The following SUN1 variants were observed in gnomAD, a reference collection of about 807,000 sequenced individuals.
The protein encoded by SUN1 is SUN domain-containing protein 1.
SUN1 carries 61 observed loss-of-function variants against 103.2 expected under a neutral mutation model. That is an observed-to-expected ratio of 0.59 (90% CI 0.48 to 0.73). The LOEUF is 0.73. Ranked by LOEUF, SUN1 falls within the 30% of genes least tolerant of loss-of-function variation. The pLI, the probability that SUN1 is intolerant of heterozygous loss-of-function variation, is 0.00. For synonymous variants in SUN1, 490 were observed against 425.7 expected, an observed-to-expected ratio of 1.15 and a Z score of -1.86; for missense variants, 1,052 against 1,034.6, an observed-to-expected ratio of 1.02 and a Z score of -0.23.
chr7:817,201 C>T (rs921705571), intron 1 of SUN1: 32 of 564,304 alleles, frequency 5.7e-5, no homozygotes, highest in Admixed American at 2.1e-4. Context: ...CGCGAGCTAT[C>T]CTCCCGCCTC....
At chr7:816,709 G>T in intron 1 of SUN1, 1 of 150,996 alleles carries the variant, frequency 6.6e-6, no homozygotes, top group South Asian at 1.9e-4. Context: ...GGGCACCCCG[G>T]GGCGGGCGCC....
intron 1 of SUN1, among the ~76,000 whole-genome samples, chr7:822,412 G>A (rs1266573062): frequency 6.6e-6 from 1 of 152,182 alleles, no homozygotes; most frequent in Non-Finnish European, 1.5e-5. Context: ...TTAAACTGTA[G>A]GTCTCAGACA....
upstream of SUN1, chr7:815,986 A>T (rs1203176134): frequency 5.0e-6 from 1 of 199,242 alleles, no homozygotes; most frequent in Non-Finnish European, 1.1e-5. Context: ...CCCTCCCCCA[A>T]GACGCGGACG....
At position 857,935 on chromosome 7, in the gene SUN1, C is replaced by T. The variant is rs1395685595; in HGVS notation, c.1502C>T (p.Thr501Ile). Residue 501 changes from threonine (T) to isoleucine (I), a missense_variant, in exon 13 of 19, where the codon ACA becomes ATA. Physicochemically the swap from Thr to Ile is moderately conservative, Grantham distance 89 (BLOSUM62 -1). Around this residue, in one of 2 missense-constraint regions of SUN1, gnomAD observed 846 missense variants for 774.5 expected, o/e 1.09. Transcript: ENST00000401592. ...SWRHVKTGCE[T>I]VDAVQERVDV... ...CGACACGTGAAGACCGGCTGTGAGA[C>T]AGTGGATGCCGTACAAGAAAGAGTG... 4 of 1,591,472 alleles carry T rather than the reference C, an allele frequency of 2.5e-6. No individual in the cohort carries two copies. The East Asian group carries it at 6.8e-5, about 27-fold the overall frequency.
chr7:867,958 A>G (rs1838361608), intron 16 of SUN1, among the ~76,000 whole-genome samples: 1 of 152,220 alleles, frequency 6.6e-6, no homozygotes, highest in African/African-American at 2.4e-5. Flanking sequence ...AGGGAACCTC[A>G]GTGTCCACCC....
At chr7:815,560 G>A (rs1222187628), upstream of SUN1, among the ~76,000 whole-genome samples, 2 of 152,058 alleles carry the variant, frequency 1.3e-5, no homozygotes, top group East Asian at 3.9e-4. Context: ...CTGGACAACG[G>A]GAGGGAGACC....
At chr7:852,210 T>C (rs754393479) in intron 7 of SUN1, 167 bp downstream of exon 7, 90 of 670,386 alleles carry the variant, frequency 1.3e-4, no homozygotes, top group Non-Finnish European at 2.2e-4. Flanking sequence ...AACCAACCTG[T>C]GAGATAAGAA....
rs768840574 is a variant in SUN1, at chr7:842,164, A to G, written c.451+34A>G. On this transcript the variant is annotated intron_variant, in intron 3 of 18. Coordinates refer to ENST00000401592, the MANE Select transcript of SUN1 (RefSeq NM_001130965.3). ...CTGCGAGACACAGATTGTCCCGCCT[A>G]CAGTTGGGGTGTTTCTCAGATTATG... is the stretch of plus-strand genomic sequence containing the variant. The G allele has an allele frequency of 4.4e-6, 7 of 1,598,620 alleles. No individual in the cohort carries two copies. In the African/African-American group the frequency reaches 5.4e-5, roughly 12 times the overall value.
chr7:865,917 C>G (rs918836736), intron 15 of SUN1, 35 bp from the exon 16 acceptor site: 5 of 1,579,488 alleles, frequency 3.2e-6, no homozygotes, highest in African/African-American at 1.3e-5. Flanking sequence ...AATGGTGGAA[C>G]TGGACACTGA....
intron 2 of SUN1, 34 bp from the exon 3 acceptor site, chr7:841,912 G>T: frequency 5.0e-6 from 8 of 1,605,510 alleles, no homozygotes; most frequent in Middle Eastern, 1.7e-4. Flanking sequence ...TGCTAGAAAA[G>T]ATCTATAAAC....
chr7:834,950 C>T (rs1201459061), intron 1 of SUN1, among the ~76,000 whole-genome samples: 1 of 152,140 alleles, frequency 6.6e-6, no homozygotes, highest in African/African-American at 2.4e-5. Context: ...GTGGTAGGCT[C>T]CTGTAATCCC....
intron 2 of SUN1, among the ~76,000 whole-genome samples, chr7:840,666 G>A (rs1412510702): frequency 1.4e-5 from 2 of 141,878 alleles, no homozygotes; most frequent in Non-Finnish European, 3.0e-5. Flanking sequence ...TTTTGAAACG[G>A]AGTCTCACTC....
At position 868,357 on chromosome 7, in the gene SUN1, C is replaced by T. The variant is rs902076805; in HGVS notation, c.1981-992C>T. ...TGGAGGTGGGGGTGCGATCGCAGGCCAGAGGCAGATGTGTGCGCAGCAGGC... is the reference window on the plus strand; with the variant it reads ...TGGAGGTGGGGGTGCGATCGCAGGCTAGAGGCAGATGTGTGCGCAGCAGGC... On this transcript the variant is annotated intron_variant, in intron 16 of 18. Transcript: ENST00000401592. The T allele has an allele frequency of 1.4e-5, 3 of 221,954 alleles. No individual in the cohort carries two copies. In the Admixed American group the frequency reaches 1.7e-4, roughly 13 times the overall value. The allele number at this position is 221,954 out of a possible 1,614,324, so 13.7% of individuals were successfully genotyped here.
rs1475139727 is a variant in SUN1 at position 823,082 on chromosome 7, G to C, written c.-74+6409G>C. Among the ~76,000 whole-genome samples the C allele has an allele frequency of 2.6e-5, 4 of 152,260 alleles. No individual in the cohort carries two copies. In the East Asian group the frequency reaches 7.7e-4, roughly 29 times the overall value. On this transcript the variant is annotated intron_variant, in intron 1 of 17. Coordinates refer to the SUN1 transcript ENST00000389574. ...GTCAGGTAAGGAGTAGAGAGCGGTG[G>C]AGACTGGAGGATTGTCAGCTTAGTG...
chr7:840,132 C>CG (rs1807848072), intron 2 of SUN1, among the ~76,000 whole-genome samples: 1 of 152,170 alleles, frequency 6.6e-6, no homozygotes, highest in Admixed American at 6.5e-5. Context: ...AGAGCGATGG[C>CG]GGAATGGTTG....
upstream of SUN1, among the ~76,000 whole-genome samples, chr7:816,082 CCAGATGCACACACCTTTCCG>C (rs1780307279): frequency 2.0e-5 from 3 of 150,700 alleles, no homozygotes; most frequent in African/African-American, 7.3e-5. Flanking sequence ...ACGCCCTCCC[CCAGATGCACACACCTTTCCG>C]AAGATGCAGA....
chr7:856,454 A>T (rs377504816), intron 12 of SUN1, 53 bp downstream of exon 12: 17 of 1,600,688 alleles, frequency 1.1e-5, no homozygotes, highest in Non-Finnish European at 1.4e-5. Context: ...GTGTGTGGTT[A>T]TGTGGAGCGG....
chr7:831,678 A>G (rs1487664740), upstream of SUN1, among the ~76,000 whole-genome samples: 2 of 152,254 alleles, frequency 1.3e-5, no homozygotes, highest in Admixed American at 6.5e-5. Context: ...ACTTTATTTC[A>G]AAGAAGGTAG....
Position 834,057 on chromosome 7 carries a change from C to T in SUN1, c.77+1456C>T, listed in dbSNP as rs1248487608. On this transcript the variant is annotated intron_variant, in intron 1 of 18. Transcript: ENST00000401592. ...AATGCAGAGGGAAGGTGGGCAGGGG[C>T]TGGCCGGAGTGGTTGTAGGCTGGGC... Among the ~76,000 whole-genome samples, 13 of 149,384 alleles carry T rather than the reference C, an allele frequency of 8.7e-5. 1 individual carries two copies. Among genetic ancestry groups the T allele is most frequent in the Admixed American group, 7.4e-4 (11 of 14,908 alleles).
Sources: gnomAD v4.1 joint callset for allele counts (sites outside exome capture counted in the v4.1 genomes callset) on GRCh38, gnomAD v4.1.1 for gene constraint, gnomAD v4.1.1 regional missense constraint, MANE v1.5 for transcripts, NCBI Gene and HGNC (gene_info 2026-07-23, HGNC 2026-07-21) for gene names.